Variants in DDX42 observed in about 807,000 individuals in gnomAD.
DDX42 encodes the protein DEAD-box helicase 42, also known as ATP-dependent RNA helicase DDX42.
Under a neutral mutation model 101.5 loss-of-function variants are expected in DDX42, and 22 were observed. The observed-to-expected ratio is 0.22, with a 90% CI of 0.15 to 0.31. The LOEUF (loss-of-function observed/expected upper bound fraction) is 0.31. Ranked by LOEUF, DDX42 falls within the 10% of genes least tolerant of loss-of-function variation. The pLI is 1.00. For missense variants in DDX42, 849 were observed against 1,199.9 expected, an observed-to-expected ratio of 0.71 and a Z score of 4.32; for synonymous variants, 402 against 401.2, an observed-to-expected ratio of 1.00 and a Z score of -0.02.
intron 6 of DDX42, 156 bp from the exon 7 acceptor site, chr17:63,804,915 T>C (rs2039820306): frequency 1.2e-6 from 1 of 856,908 alleles, no homozygotes. Context: ...GCTATACTTT[T>C]TAGGATCTAA....
At chr17:63,783,359 C>G (rs1384640353) in intron 1 of DDX42, among the ~76,000 whole-genome samples, 2 of 152,216 alleles carry the variant, frequency 1.3e-5, no homozygotes, top group Non-Finnish European at 2.9e-5. Context: ...TGTCTTTCCA[C>G]TATCCTTTCT....
chr17:63,802,770 C>T (rs1194856309), intron 6 of DDX42, among the ~76,000 whole-genome samples: 1 of 151,844 alleles, frequency 6.6e-6, no homozygotes, highest in East Asian at 1.9e-4. Context: ...ATTAGCCAGG[C>T]ATGGTGGTGC....
chr17:63,808,341 T>A (rs1411544452), intron 9 of DDX42, among the ~76,000 whole-genome samples: 1 of 152,140 alleles, frequency 6.6e-6, no homozygotes, highest in Non-Finnish European at 1.5e-5. Context: ...ACCTGGCTAA[T>A]TTTTTTATTT....
chr17:63,811,679 T>C (rs892438267), intron 13 of DDX42: 46 of 571,074 alleles, frequency 8.1e-5, no homozygotes, highest in Non-Finnish European at 1.3e-4. Context: ...CTTCAGTTGC[T>C]TGCCATGGTT....
At chr17:63,801,517 C>A (rs1337922140) in intron 6 of DDX42, among the ~76,000 whole-genome samples, 6 of 151,880 alleles carry the variant, frequency 4.0e-5, no homozygotes. Context: ...CTGTACCTGG[C>A]ATGCCTTTAT....
At position 63,811,110 on chromosome 17, in the gene DDX42, T is replaced by G; in HGVS notation, c.1335T>G (p.Ile445Met). ...LLFSATFRKK[I>M]EKLARDILID... ...TTAGTGCAACTTTTCGGAAGAAGAT[T>G]GAAAAGTTGGCCAGAGACATCCTGA... is the stretch of plus-strand genomic sequence containing the variant. The change falls in exon 13 of 18, where the codon ATT (isoleucine) becomes ATG (methionine). Residue 445 changes from isoleucine (I) to methionine (M), a missense_variant. By Grantham distance (10) the Ile-to-Met change is conservative. Transcript: ENST00000389924. The G allele has an allele frequency of 6.2e-7, 1 of 1,614,136 alleles. No homozygotes were observed. Among genetic ancestry groups the G allele is most frequent in the Non-Finnish European group, 8.5e-7 (1 of 1,179,990 alleles).
At chr17:63,795,618 C>T (rs1380438833) in intron 3 of DDX42, among the ~76,000 whole-genome samples, 1 of 152,208 alleles carries the variant, frequency 6.6e-6, no homozygotes, top group Non-Finnish European at 1.5e-5. Context: ...AGGTGTGGGT[C>T]TGTGCCCAGC....
chr17:63,811,791 C>T, intron 13 of DDX42, 141 bp from the exon 14 acceptor site: 2 of 1,076,000 alleles, frequency 1.9e-6, no homozygotes. Flanking sequence ...TTTTGAGCTG[C>T]ACTTGACTTG....
intron 11 of DDX42, 41 bp from the exon 12 acceptor site, chr17:63,810,472 T>A: frequency 6.2e-7 from 1 of 1,603,604 alleles, no homozygotes; most frequent in African/African-American, 1.3e-5. Flanking sequence ...TCCCAAACTG[T>A]ATTTCAGGTT....
At chr17:63,810,933 T>C in intron 12 of DDX42, 143 bp from the exon 13 acceptor site, 1 of 656,936 alleles carries the variant, frequency 1.5e-6, no homozygotes, top group African/African-American at 1.8e-5. Flanking sequence ...AATCTTTCCC[T>C]AGTGAATCAG....
At chr17:63,795,429 A>G (rs1567735910) in intron 3 of DDX42, among the ~76,000 whole-genome samples, 1 of 152,204 alleles carries the variant, frequency 6.6e-6, no homozygotes, top group African/African-American at 2.4e-5. Flanking sequence ...CTGTAACCTC[A>G]AATTCCTAGG....
chr17:63,779,138 T>G (rs748029560), intron 1 of DDX42, among the ~76,000 whole-genome samples: 1 of 152,228 alleles, frequency 6.6e-6, no homozygotes, highest in Non-Finnish European at 1.5e-5. Flanking sequence ...TCAAATTAGG[T>G]ATTTCAAAAG....
At position 63,814,598 on chromosome 17, in the gene DDX42, C is replaced by T. The variant is rs185974814; in HGVS notation, c.1903-965C>T. Among the ~76,000 whole-genome samples, 9 of 152,070 alleles carry T rather than the reference C, an allele frequency of 5.9e-5. 1 individual carries two copies. Among genetic ancestry groups the T allele is most frequent in the Admixed American group, 4.6e-4 (7 of 15,282 alleles). On this transcript the variant is annotated intron_variant, in intron 15 of 17. Transcript: ENST00000389924. Reference sequence around the variant, plus strand: ...CTCAGGACTTTGTCCAAGCCTGCTGCCCTACCTCTCAAGCACTTTATTTTG... The same window carrying T: ...CTCAGGACTTTGTCCAAGCCTGCTGTCCTACCTCTCAAGCACTTTATTTTG...
intron 3 of DDX42, among the ~76,000 whole-genome samples, chr17:63,797,352 CAAAAAAAA>C (rs59892636): frequency 5.0e-5 from 5 of 100,050 alleles, no homozygotes; most frequent in African/African-American, 1.8e-4. Flanking sequence ...AACTCCATCT[CAAAAAAAA>C]AAAAAAAAAA....
Position 63,817,729 on chromosome 17 carries a change from A to G in DDX42, c.2148A>G (p.Leu716=). Residue 716 remains leucine (L), a synonymous_variant, in exon 18 of 18, where the codon TTA becomes TTG. Coordinates refer to ENST00000389924, the MANE Select transcript of DDX42 (RefSeq NM_203499.3). ...QYKSHFVAAS[L]SNQKAGSSAA... is the part of the protein sequence containing the mutation. ...AGAGTCACTTTGTTGCAGCCAGTTT[A>G]AGTAATCAGAAGGCTGGAAGTTCTG... The G allele has an allele frequency of 1.2e-6, 2 of 1,614,170 alleles. No homozygotes were observed.
chr17:63,817,707 G>T lies in DDX42; in HGVS notation c.2126G>T (p.Ser709Ile). The T allele has an allele frequency of 6.2e-7, 1 of 1,614,172 alleles. No individual in the cohort carries two copies. Among genetic ancestry groups the T allele is most frequent in the Non-Finnish European group, 8.5e-7 (1 of 1,180,014 alleles). ...MKAAFQSQYKSHFVAASLSNQ... is the reference protein window; with the variant it reads ...MKAAFQSQYKIHFVAASLSNQ... ...TTTCTCTTTCAGTCACAGTACAAGA[G>T]TCACTTTGTTGCAGCCAGTTTAAGT... Residue 709 changes from serine (S) to isoleucine (I), a missense_variant, in exon 18 of 18, where the codon AGT (serine) becomes ATT (isoleucine). Around this residue, in one of 5 missense-constraint regions of DDX42, gnomAD observed 86 missense variants for 160.8 expected, o/e 0.53. Transcript: ENST00000389924.
At chr17:63,782,224 G>T (rs528342240) in intron 1 of DDX42, among the ~76,000 whole-genome samples, 2 of 152,146 alleles carry the variant, frequency 1.3e-5, no homozygotes, top group Non-Finnish European at 2.9e-5. Flanking sequence ...GTTGCAGTGA[G>T]CCAAGATCAT....
chr17:63,805,134 C>T lies in DDX42; in HGVS notation c.685C>T (p.Pro229Ser). ...NEHEEITNLT[P>S]QQLIDLRHKL... ...GCATGAAGAGATAACCAACCTCACT[C>T]CACAGCAGTTAATAGATCTCCGGCA... The change falls in exon 7 of 18, where the codon CCA becomes TCA. Residue 229 changes from proline (P) to serine (S), a missense_variant. Around this residue, in one of 5 missense-constraint regions of DDX42, gnomAD observed 370 missense variants for 608.8 expected, o/e 0.61. Coordinates refer to ENST00000389924, the MANE Select transcript of DDX42 (RefSeq NM_203499.3). 1.2e-6 allele frequency: 2 copies of T among 1,613,302 alleles called. No homozygotes were observed. Among genetic ancestry groups the T allele is most frequent in the Non-Finnish European group, 1.7e-6 (2 of 1,179,860 alleles).
chr17:63,806,513 G>A lies in DDX42; in HGVS notation c.727-22G>A. The A allele has an allele frequency of 1.9e-6, 3 of 1,602,892 alleles. No individual in the cohort carries two copies. In the East Asian group the frequency reaches 6.8e-5, roughly 36 times the overall value. ...TTAATGTTGAAGTACAAGTCATTCT[G>A]GGGAGTTGTCTCTATCTCTAGGTCT... On this transcript the variant is annotated intron_variant, in intron 7 of 17. Transcript: ENST00000389924.
Sources: allele counts gnomAD v4.1 joint callset (sites outside exome capture counted in the v4.1 genomes callset), GRCh38; gene constraint gnomAD v4.1.1; regional missense constraint gnomAD v4.1.1; transcripts MANE v1.5; gene names NCBI Gene and HGNC (gene_info 2026-07-23, HGNC 2026-07-21).